MRPS14: variants seen among roughly 807,000 people sequenced by gnomAD.
MRPS14 encodes small ribosomal subunit protein uS14m.
In MRPS14, 14 loss-of-function variants were observed where a neutral mutation model predicts 16.4. That is an observed-to-expected ratio of 0.85 (90% CI 0.56 to 1.33). The LOEUF is 1.33. MRPS14 is among the 40% of genes most tolerant of loss of function. MRPS14 has a pLI of 0.00. For synonymous variants in MRPS14, 54 were observed against 61.9 expected (o/e 0.87, Z 0.60); for missense variants, 162 against 176.8 (o/e 0.92, Z 0.48).
rs574030945 is a variant in MRPS14, at chr1:175,022,149, G to A, written c.45+1215C>T. On this transcript the variant is annotated intron_variant, in intron 1 of 2. Coordinates refer to ENST00000476371, the MANE Select transcript of MRPS14 (RefSeq NM_022100.3). ...ATGGGAAATTTAGCACCCAAACTGA[G>A]ATATGCTTTAAGTGTTTGAAAATCT... is the stretch of plus-strand genomic sequence containing the variant. Among the ~76,000 whole-genome samples, 5 of 151,032 alleles carry A rather than the reference G, an allele frequency of 3.3e-5. No individual in the cohort carries two copies. The South Asian group carries it at 1.1e-3, about 32-fold the overall frequency.
chr1:175,016,378 T>G (rs772722440), intron 2 of MRPS14, among the ~76,000 whole-genome samples: 2 of 152,258 alleles, frequency 1.3e-5, no homozygotes, highest in South Asian at 4.1e-4. Context: ...CCTTCCTTCT[T>G]GTTCCCCGAA....
In MRPS14 at chr1:175,023,403, C is replaced by T. The variant is rs1673017401; in HGVS notation, c.6G>A (p.Ala2=). The change falls in exon 1 of 3, where the codon GCG becomes GCA. Residue 2 remains alanine, a synonymous_variant. Coordinates refer to ENST00000476371, the MANE Select transcript of MRPS14 (RefSeq NM_022100.3). ...GCAGCAGCGAGCCCAGCATGAAGGC[C>T]GCCATGTTGTCCGCTACAAACTACA... M[A]AFMLGSLLRT... is the part of the protein sequence containing the mutation. The T allele has an allele frequency of 3.1e-6, 5 of 1,614,104 alleles. No homozygotes were observed. Among genetic ancestry groups the T allele is most frequent in the Non-Finnish European group, 4.2e-6 (5 of 1,180,012 alleles).
intron 1 of MRPS14, among the ~76,000 whole-genome samples, chr1:175,022,215 T>A (rs733827): frequency 4.6e-5 from 7 of 152,216 alleles, no homozygotes; most frequent in African/African-American, 1.2e-4. Context: ...TAAGTCATTG[T>A]TATATTGATT....
chr1:175,016,669 CAAAT>C (rs1233353932), intron 2 of MRPS14, among the ~76,000 whole-genome samples: 5 of 152,094 alleles, frequency 3.3e-5, no homozygotes, highest in African/African-American at 7.2e-5. Flanking sequence ...GTATAGTTGA[CAAAT>C]AAAAATTGCA....
chr1:175,020,525 T>C (rs949243974), intron 1 of MRPS14, among the ~76,000 whole-genome samples: 5 of 152,174 alleles, frequency 3.3e-5, no homozygotes, highest in African/African-American at 1.2e-4. Flanking sequence ...CCCCTTTTTT[T>C]GAGACGGAGT....
intron 2 of MRPS14, among the ~76,000 whole-genome samples, chr1:175,017,148 G>A (rs184038718): frequency 2.6e-5 from 4 of 151,518 alleles, no homozygotes; most frequent in Admixed American, 2.0e-4. Context: ...TCTGCCTCCC[G>A]AGTTCAAGCA....
In MRPS14 at chr1:175,013,599, C is replaced by T. The variant is rs1305901675; in HGVS notation, c.*1070G>A. 1.3e-5 allele frequency: 2 copies of T among 152,214 alleles called. No homozygotes were observed. Among genetic ancestry groups the T allele is most frequent in the Admixed American group, 1.3e-4 (2 of 15,282 alleles). 9.4% of individuals were successfully genotyped at this position (152,214 alleles called of 1,614,324 possible). A position where few individuals can be genotyped will look rare whatever the true frequency, so the allele number is the denominator to read the frequency against. On this transcript the variant is annotated 3_prime_UTR_variant, in exon 3 of 3. Coordinates refer to ENST00000476371, the MANE Select transcript of MRPS14 (RefSeq NM_022100.3). ...GCCTGTAGCTTTTTCCTCTCATGGC[C>T]ATCTGCCACACAGCTGTCACTTACC...
At chr1:175,016,086 G>A (rs1672877443) in intron 2 of MRPS14, among the ~76,000 whole-genome samples, 2 of 151,998 alleles carry the variant, frequency 1.3e-5, no homozygotes, top group Admixed American at 6.6e-5. Context: ...AATCCCATCT[G>A]GCCGGGAGGC....
chr1:175,020,317 T>C (rs776761962), intron 1 of MRPS14, among the ~76,000 whole-genome samples: 1 of 152,158 alleles, frequency 6.6e-6, no homozygotes, highest in African/African-American at 2.4e-5. Flanking sequence ...TGAGGGGCAA[T>C]GTGAGGTTTG....
At chr1:175,015,075 G>C (rs1285608635) in intron 2 of MRPS14, among the ~76,000 whole-genome samples, 1 of 151,656 alleles carries the variant, frequency 6.6e-6, no homozygotes, top group Non-Finnish European at 1.5e-5. Flanking sequence ...AGCCTCCCGA[G>C]TAGCTGAGAT....
At chr1:175,014,909 T>C (rs1672851681) in intron 2 of MRPS14, 58 bp from the exon 3 acceptor site, 3 of 1,462,314 alleles carry the variant, frequency 2.1e-6, no homozygotes, top group Non-Finnish European at 2.8e-6. Flanking sequence ...TGTATTTTGC[T>C]CCTTCTCACT....
Position 175,012,994 on chromosome 1 carries a change from A to G in MRPS14, c.*1675T>C, listed in dbSNP as rs1301818697. 1 of 152,214 alleles carries G rather than the reference A, an allele frequency of 6.6e-6. No homozygotes were observed. The highest frequency in any genetic ancestry group is 1.5e-5 in the Non-Finnish European group (1 of 68,038). The allele number at this position is 152,214 out of a possible 1,614,324, so 9.4% of individuals were successfully genotyped here. On this transcript the variant is annotated 3_prime_UTR_variant, in exon 3 of 3. Transcript: ENST00000476371. ...ATTTTAATGTGAATTTTGGAAGTACACAAAATGTTCAAACTATAGCATGTA... is the reference window on the plus strand; with the variant it reads ...ATTTTAATGTGAATTTTGGAAGTACGCAAAATGTTCAAACTATAGCATGTA...
chr1:175,014,642 G>T lies in MRPS14; in HGVS notation c.*27C>A. On this transcript the variant is annotated 3_prime_UTR_variant, in exon 3 of 3. Transcript: ENST00000476371. The stretch of plus-strand genomic sequence containing the variant: ...CTGGAACTGCAAGCTTGGCTTCCCT[G>T]CAAGCTCAATAGGTTCTGGAGCTCA... The T allele has an allele frequency of 5.7e-6, 9 of 1,567,690 alleles. No homozygotes were observed. The highest frequency in any genetic ancestry group is 7.8e-6 in the Non-Finnish European group (9 of 1,158,738).
rs185719379 is a variant in MRPS14, at chr1:175,014,484, T to G, written c.*185A>C. 4.1e-5 allele frequency: 22 copies of G among 540,648 alleles called. No homozygotes were observed. The East Asian group carries it at 6.0e-4, about 15-fold the overall frequency. 33.5% of individuals were successfully genotyped at this position (540,648 alleles called of 1,614,324 possible). A position where few individuals can be genotyped will look rare whatever the true frequency, so the allele number is the denominator to read the frequency against. On this transcript the variant is annotated 3_prime_UTR_variant, in exon 3 of 3. Transcript: ENST00000476371. ...TGTTTGTTAAGTCCAAGAGAAAAGATAATTCACTGACATGAAACACCCAAA... is the reference window on the plus strand; with the variant it reads ...TGTTTGTTAAGTCCAAGAGAAAAGAGAATTCACTGACATGAAACACCCAAA...
chr1:175,020,884 A>C (rs1275754177), intron 1 of MRPS14, among the ~76,000 whole-genome samples: 2 of 152,136 alleles, frequency 1.3e-5, no homozygotes. Context: ...GCCACACTCT[A>C]TTCTGCTCTG....
Position 175,023,413 on chromosome 1 carries a change from T to C in MRPS14, c.-5A>G. ...GCCCAGCATGAAGGCCGCCATGTTG[T>C]CCGCTACAAACTACAAACCGCTGAA... On this transcript the variant is annotated 5_prime_UTR_variant, in exon 1 of 3. Transcript: ENST00000476371. The C allele has an allele frequency of 6.2e-7, 1 of 1,614,064 alleles. No homozygotes were observed. Among genetic ancestry groups the C allele is most frequent in the Non-Finnish European group, 8.5e-7 (1 of 1,179,994 alleles).
rs764606677 is a variant in MRPS14 at position 175,013,833 on chromosome 1, A to G, written c.*836T>C. On this transcript the variant is annotated 3_prime_UTR_variant, in exon 3 of 3. Coordinates refer to ENST00000476371, the MANE Select transcript of MRPS14 (RefSeq NM_022100.3). ...GTGCTTTTGTTCCCTCTGTGTGCAG[A>G]AAAAAATCTCACCCCTCACCTCCTG... is the stretch of plus-strand genomic sequence containing the variant. 1 of 152,126 alleles carries G rather than the reference A, an allele frequency of 6.6e-6. No homozygotes were observed. Among genetic ancestry groups the G allele is most frequent in the African/African-American group, 2.4e-5 (1 of 41,410 alleles). The allele number at this position is 152,126 out of a possible 1,614,324, so 9.4% of individuals were successfully genotyped here.
intron 2 of MRPS14, among the ~76,000 whole-genome samples, chr1:175,016,842 C>T (rs1672888939): frequency 6.6e-6 from 1 of 152,170 alleles, no homozygotes; most frequent in Non-Finnish European, 1.5e-5. Context: ...ATTTCAAGTA[C>T]ACAATACAGT....
intron 1 of MRPS14, among the ~76,000 whole-genome samples, chr1:175,019,094 C>T (rs770776870): frequency 4.6e-5 from 7 of 152,106 alleles, no homozygotes; most frequent in Non-Finnish European, 8.8e-5. Context: ...CTTTCAATAA[C>T]TGAATGTAAA....
Sources: gnomAD v4.1 joint callset for allele counts (sites outside exome capture counted in the v4.1 genomes callset) on GRCh38, gnomAD v4.1.1 for gene constraint, MANE v1.5 for transcripts, NCBI Gene and HGNC (gene_info 2026-07-23, HGNC 2026-07-21) for gene names.